The following TSHZ2 variants were observed in gnomAD, a reference collection of about 807,000 sequenced individuals.
TSHZ2 encodes teashirt zinc finger homeobox 2, also known as teashirt homolog 2.
In TSHZ2, 21 loss-of-function variants were observed where a neutral mutation model predicts 74.4. The ratio of observed to expected loss-of-function variants is 0.28; its 90% confidence interval spans 0.20 to 0.41. The LOEUF (loss-of-function observed/expected upper bound fraction) is 0.41, where lower values mean the gene tolerates loss of function less well. TSHZ2 is among the 10% of genes least tolerant of loss of function. The pLI is 1.00. For synonymous variants in TSHZ2, 540 were observed against 515.3 expected, an observed-to-expected ratio of 1.05 and a Z score of -0.65; for missense variants, 1,244 against 1,293.5, an observed-to-expected ratio of 0.96 and a Z score of 0.59.
chr20:53,328,031 T>C (rs1979567435), intron 2 of TSHZ2, among the ~76,000 whole-genome samples: 3 of 152,162 alleles, frequency 2.0e-5, no homozygotes, highest in Non-Finnish European at 4.4e-5. Context: ...GGTAAAGATA[T>C]GCAAAGTGAA....
chr20:53,015,085 A>G (rs1414419120), intron 1 of TSHZ2, among the ~76,000 whole-genome samples: 3 of 151,938 alleles, frequency 2.0e-5, no homozygotes, highest in Non-Finnish European at 4.4e-5. Flanking sequence ...AGCTGACCCC[A>G]TTCTGTCCTC....
At chr20:53,381,616 A>G (rs1439756937) in intron 2 of TSHZ2, among the ~76,000 whole-genome samples, 1 of 152,206 alleles carries the variant, frequency 6.6e-6, no homozygotes, top group Admixed American at 6.5e-5. Flanking sequence ...TAAAGTGAAG[A>G]AAATACCTCA....
At chr20:53,435,019 A>G (rs1426830308) in intron 2 of TSHZ2, among the ~76,000 whole-genome samples, 4 of 152,250 alleles carry the variant, frequency 2.6e-5, no homozygotes, top group Non-Finnish European at 5.9e-5. Flanking sequence ...TATAAAAGAG[A>G]GAAAACAAAA....
chr20:53,210,815 G>A lies in TSHZ2; in HGVS notation c.41-42684G>A, dbSNP rs149669165. On this transcript the variant is annotated intron_variant, in intron 1 of 2. Coordinates refer to ENST00000371497, the MANE Select transcript of TSHZ2 (RefSeq NM_173485.6). ...AGACGTATATAATCTCAATTAAAAA[G>A]TGTGTGCATATCCGTGTGTGTGTCC... Among the ~76,000 whole-genome samples, 46 of 152,194 alleles carry A rather than the reference G, an allele frequency of 3.0e-4. 1 individual carries two copies. The East Asian group carries it at 7.7e-3, about 26-fold the overall frequency.
intron 2 of TSHZ2, among the ~76,000 whole-genome samples, chr20:53,466,312 T>A (rs982128053): frequency 3.9e-5 from 6 of 152,056 alleles, no homozygotes; most frequent in Non-Finnish European, 5.9e-5. Context: ...CTACCTTGTT[T>A]ATGTCCATAC....
chr20:53,106,506 G>A (rs147858784), intron 1 of TSHZ2, among the ~76,000 whole-genome samples: 9,824 of 135,628 alleles, frequency 0.072, 419 homozygotes, highest in Non-Finnish European at 0.1. Flanking sequence ...CCAGGTTCAC[G>A]CCATTCTCCT....
intron 2 of TSHZ2, among the ~76,000 whole-genome samples, chr20:53,382,108 C>T (rs758627164): frequency 5.9e-5 from 9 of 152,198 alleles, no homozygotes; most frequent in Non-Finnish European, 1.0e-4. Context: ...AACTTACCTG[C>T]GGAATCTTTC....
intron 1 of TSHZ2, among the ~76,000 whole-genome samples, chr20:53,218,043 T>C (rs1391214403): frequency 2.0e-5 from 3 of 152,218 alleles, no homozygotes; most frequent in Non-Finnish European, 4.4e-5. Flanking sequence ...CCCTCCTTTT[T>C]AAGAGTGAGA....
At chr20:53,182,617 A>G (rs1367455130) in intron 1 of TSHZ2, among the ~76,000 whole-genome samples, 1 of 152,196 alleles carries the variant, frequency 6.6e-6, no homozygotes, top group Admixed American at 6.5e-5. Context: ...AATGGTATAC[A>G]TTTTGCCAAA....
chr20:53,127,566 A>G (rs1414833649), intron 1 of TSHZ2, among the ~76,000 whole-genome samples: 1 of 152,192 alleles, frequency 6.6e-6, no homozygotes, highest in Non-Finnish European at 1.5e-5. Context: ...AATAGAAAGA[A>G]TGGGCTACTT....
intron 1 of TSHZ2, among the ~76,000 whole-genome samples, chr20:53,017,141 T>A (rs1370850490): frequency 6.6e-6 from 1 of 152,242 alleles, no homozygotes; most frequent in African/African-American, 2.4e-5. Flanking sequence ...AGATCTGTGC[T>A]CATTGCTTTA....
chr20:53,113,786 C>T (rs1286124402), intron 1 of TSHZ2, among the ~76,000 whole-genome samples: 1 of 152,122 alleles, frequency 6.6e-6, no homozygotes, highest in African/African-American at 2.4e-5. Flanking sequence ...CTCCTCTTAT[C>T]ACAAATTAAT....
chr20:53,127,948 G>A (rs567550429), intron 1 of TSHZ2, among the ~76,000 whole-genome samples: 1 of 152,294 alleles, frequency 6.6e-6, no homozygotes, highest in Non-Finnish European at 1.5e-5. Flanking sequence ...CTAATGAGGG[G>A]AGAAAAATTT....
intron 1 of TSHZ2, among the ~76,000 whole-genome samples, chr20:53,200,313 C>T (rs979343802): frequency 6.6e-5 from 10 of 151,998 alleles, no homozygotes; most frequent in South Asian, 2.1e-4. Flanking sequence ...TGTGTGACAG[C>T]GAGTGCAAGG....
intron 1 of TSHZ2, among the ~76,000 whole-genome samples, chr20:53,012,420 G>A (rs566877716): frequency 1.5e-4 from 23 of 152,248 alleles, no homozygotes; most frequent in African/African-American, 5.5e-4. Context: ...TGTTAGGAAT[G>A]CACAATCTCA....
chr20:53,458,523 C>T (rs1248177203), intron 2 of TSHZ2, among the ~76,000 whole-genome samples: 2 of 152,096 alleles, frequency 1.3e-5, no homozygotes, highest in African/African-American at 4.8e-5. Flanking sequence ...CCTGGATTCA[C>T]TAGTTTTTTG....
chr20:53,385,329 A>G (rs1361991434), intron 2 of TSHZ2, among the ~76,000 whole-genome samples: 1 of 152,012 alleles, frequency 6.6e-6, no homozygotes, highest in African/African-American at 2.4e-5. Flanking sequence ...TCAGAATTGG[A>G]AAATAAAGGA....
chr20:53,128,031 C>T (rs1268405677), intron 1 of TSHZ2, among the ~76,000 whole-genome samples: 6 of 151,916 alleles, frequency 3.9e-5, no homozygotes, highest in Admixed American at 1.3e-4. Context: ...CTGTTTTTGG[C>T]TGGTCACTTG....
At chr20:53,184,645 C>T (rs1341384529) in intron 1 of TSHZ2, among the ~76,000 whole-genome samples, 2 of 152,012 alleles carry the variant, frequency 1.3e-5, no homozygotes, top group Non-Finnish European at 2.9e-5. Context: ...TGTTATATAA[C>T]CTGCTATTTT....
Sources: allele counts gnomAD v4.1 joint callset (sites outside exome capture counted in the v4.1 genomes callset), GRCh38; gene constraint gnomAD v4.1.1; transcripts MANE v1.5; gene names NCBI Gene and HGNC (gene_info 2026-07-23, HGNC 2026-07-21).